IFT74: variants seen among roughly 807,000 people sequenced by gnomAD.
IFT74 encodes intraflagellar transport protein 74 homolog.
In IFT74, 92 loss-of-function variants were observed where a neutral mutation model predicts 96.7. That is an observed-to-expected ratio of 0.95 (90% CI 0.80 to 1.13). The LOEUF (loss-of-function observed/expected upper bound fraction) is 1.13, where lower values mean the gene tolerates loss of function less well. IFT74 is among the 50% of genes most tolerant of loss of function. IFT74 has a pLI of 0.00. For missense variants in IFT74, 811 were observed against 698.2 expected (o/e 1.16, Z -1.82); for synonymous variants, 223 against 213.2 (o/e 1.05, Z -0.40).
intron 13 of IFT74, among the ~76,000 whole-genome samples, chr9:27,032,956 T>C (rs1390453608): frequency 1.3e-5 from 2 of 152,180 alleles, no homozygotes; most frequent in Admixed American, 1.3e-4. Context: ...ATTTTAAATA[T>C]GAATCTGGCA....
chr9:27,052,375 G>A (rs1587419513), intron 16 of IFT74, among the ~76,000 whole-genome samples: 1 of 152,098 alleles, frequency 6.6e-6, no homozygotes, highest in East Asian at 1.9e-4. Context: ...CTGTGTGGTG[G>A]TGCAAGCCTG....
intron 10 of IFT74, among the ~76,000 whole-genome samples, chr9:27,014,347 A>G (rs62542670): frequency 0.061 from 9,284 of 152,292 alleles, 333 homozygotes; most frequent in Middle Eastern, 0.16. Context: ...TAGTATTAAT[A>G]CAACCAGCTT....
chr9:26,959,089 T>TTG (rs1554664434), intron 1 of IFT74, among the ~76,000 whole-genome samples: 1 of 150,524 alleles, frequency 6.6e-6, no homozygotes, highest in African/African-American at 2.4e-5. Context: ...AGCTATTCTT[T>TTG]TTGTTGTTGT....
intron 1 of IFT74, among the ~76,000 whole-genome samples, chr9:26,960,871 G>A (rs1826324844): frequency 6.6e-6 from 1 of 151,684 alleles, no homozygotes; most frequent in African/African-American, 2.4e-5. Flanking sequence ...TGAGGTCAGG[G>A]AACTGTGAAG....
chr9:27,041,398 G>A (rs1340045228), intron 13 of IFT74, among the ~76,000 whole-genome samples: 1 of 152,144 alleles, frequency 6.6e-6, no homozygotes, highest in Non-Finnish European at 1.5e-5. Flanking sequence ...GGTGGAAACT[G>A]TCTTACTCAG....
At chr9:26,978,995 T>C (rs1398437749) in intron 3 of IFT74, among the ~76,000 whole-genome samples, 1 of 152,126 alleles carries the variant, frequency 6.6e-6, no homozygotes, top group Non-Finnish European at 1.5e-5. Context: ...TAGGCAGTGG[T>C]CAGTAGCCTG....
At chr9:26,956,778 C>CTGAA (rs1336992894) in intron 1 of IFT74, among the ~76,000 whole-genome samples, 2 of 152,210 alleles carry the variant, frequency 1.3e-5, no homozygotes, top group Admixed American at 1.3e-4. Flanking sequence ...CCGCGATGGG[C>CTGAA]TGAAGGATTT....
chr9:27,020,665 G>A (rs1216043132), intron 12 of IFT74, among the ~76,000 whole-genome samples: 5 of 151,870 alleles, frequency 3.3e-5, no homozygotes, highest in East Asian at 3.9e-4. Flanking sequence ...TAGTAGAGAC[G>A]GGGTTTCACT....
In IFT74 at chr9:27,055,684, T is replaced by C; in HGVS notation, c.1409T>C (p.Leu470Pro). 1.9e-6 allele frequency: 3 copies of C among 1,593,686 alleles called. No individual in the cohort carries two copies. Among genetic ancestry groups the C allele is most frequent in the Non-Finnish European group, 1.7e-6 (2 of 1,172,494 alleles). ...AAGATGACTGAAGAACAGCATTCTC[T>C]AAAAAGCAAAATTAAGCAAATGACA... is the stretch of plus-strand genomic sequence containing the variant. ...ESKMTEEQHS[L>P]KSKIKQMTTD... The change falls in exon 17 of 20, where the codon CTA becomes CCA. Residue 470 changes from leucine to proline, a missense_variant. Leu to Pro is a moderately conservative substitution (Grantham distance 98). Coordinates refer to ENST00000380062, the MANE Select transcript of IFT74 (RefSeq NM_025103.4).
At chr9:27,008,982 A>T (rs1172661817) in intron 8 of IFT74, 38 bp from the exon 9 acceptor site, 1 of 1,534,648 alleles carries the variant, frequency 6.5e-7, no homozygotes, top group South Asian at 1.2e-5. Context: ...TTTTTTCCTC[A>T]ATATAGTATC....
At chr9:26,951,847 G>T (rs143301051), upstream of IFT74, among the ~76,000 whole-genome samples, 379 of 152,220 alleles carry the variant, frequency 2.5e-3, 2 homozygotes, top group African/African-American at 8.8e-3. Context: ...GCAGTGAGCC[G>T]AGATAGCTCC....
At chr9:26,984,938 G>A (rs1184186713) in intron 6 of IFT74, among the ~76,000 whole-genome samples, 3 of 152,040 alleles carry the variant, frequency 2.0e-5, no homozygotes, top group East Asian at 1.9e-4. Context: ...CATTCAGCCC[G>A]TCAATCCCAT....
chr9:27,063,513 A>G lies in IFT74; in HGVS notation c.*777A>G, dbSNP rs1402864499. 6.6e-6 allele frequency among the ~76,000 whole-genome samples: 1 copy of G among 152,114 alleles called. No individual in the cohort carries two copies. Among genetic ancestry groups the G allele is most frequent in the Non-Finnish European group, 1.5e-5 (1 of 67,980 alleles). ...TTTGGGGAAAAAAGCTAGAAGAGGTAGGATTGGGAGAGAGGCATAGAGTCT... is the reference window on the plus strand; with the variant it reads ...TTTGGGGAAAAAAGCTAGAAGAGGTGGGATTGGGAGAGAGGCATAGAGTCT... On this transcript the variant is annotated 3_prime_UTR_variant, in exon 20 of 20. Transcript: ENST00000380062.
chr9:26,972,887 T>C (rs1446380964), intron 2 of IFT74, among the ~76,000 whole-genome samples: 1 of 152,162 alleles, frequency 6.6e-6, no homozygotes, highest in Non-Finnish European at 1.5e-5. Context: ...AGAATATGTA[T>C]AGAGAAGTCA....
rs758243655 is a variant in IFT74, at chr9:27,029,052, T to G, written c.1002T>G (p.Asn334Lys). The change falls in exon 13 of 20, where the codon AAT becomes AAG. Residue 334 changes from asparagine to lysine, a missense_variant. Asn to Lys is a moderately conservative substitution (Grantham distance 94). Transcript: ENST00000380062. ...RQLTDTKEKI[N>K]QFIEEIRQLD... is the part of the protein sequence containing the mutation. ...TAACAGATACAAAAGAAAAGATAAA[T>G]CAGTTTATTGAAGAAATTAGACAAC... is the stretch of plus-strand genomic sequence containing the variant. The G allele has an allele frequency of 6.2e-7, 1 of 1,601,846 alleles. No homozygotes were observed. Among genetic ancestry groups the G allele is most frequent in the Non-Finnish European group, 8.5e-7 (1 of 1,173,996 alleles).
At chr9:26,960,174 C>T (rs1404776284) in intron 1 of IFT74, among the ~76,000 whole-genome samples, 6 of 152,140 alleles carry the variant, frequency 3.9e-5, no homozygotes, top group East Asian at 3.9e-4. Context: ...CTTCTCTTGG[C>T]GTCTCTGACA....
chr9:27,018,716 C>CTTTAAATG (rs751445380), intron 12 of IFT74, 29 bp downstream of exon 12: 7 of 1,367,658 alleles, frequency 5.1e-6, no homozygotes, highest in Non-Finnish European at 7.1e-6. Flanking sequence ...GGACATTTTA[C>CTTTAAATG]ATCCATTTCT....
intron 16 of IFT74, among the ~76,000 whole-genome samples, chr9:27,052,403 G>A (rs1325073646): frequency 6.6e-6 from 1 of 151,514 alleles, no homozygotes; most frequent in Non-Finnish European, 1.5e-5. Flanking sequence ...AGCTACTCAG[G>A]AGGCTGAGGC....
intron 12 of IFT74, among the ~76,000 whole-genome samples, chr9:27,021,343 A>G (rs1312670520): frequency 6.6e-6 from 1 of 152,138 alleles, no homozygotes; most frequent in Admixed American, 6.6e-5. Flanking sequence ...CTCTGGATAG[A>G]TACCTCGTAG....
Sources: allele counts gnomAD v4.1 joint callset (sites outside exome capture counted in the v4.1 genomes callset), GRCh38; gene constraint gnomAD v4.1.1; transcripts MANE v1.5; gene names NCBI Gene and HGNC (gene_info 2026-07-23, HGNC 2026-07-21).